The following PCSK6 variants were observed in gnomAD, a reference collection of about 807,000 sequenced individuals.
PCSK6 encodes paired basic amino acid cleaving enzyme 4.
A neutral mutation model predicts 123.3 loss-of-function variants in PCSK6; 85 were observed. The observed-to-expected ratio is 0.69, with a 90% CI of 0.58 to 0.83. The LOEUF is 0.83. Among genes scored for constraint, PCSK6 ranks in the 40% least tolerant of loss-of-function variants. The probability of loss-of-function intolerance (pLI) is 0.00; values close to 1 mark genes in which losing one functional copy is unlikely to be tolerated. For missense variants in PCSK6, 1,191 were observed against 1,282.3 expected (o/e 0.93, Z 1.09); for synonymous variants, 508 against 516.0 (o/e 0.98, Z 0.21).
intron 20 of PCSK6, among the ~76,000 whole-genome samples, chr15:101,309,947 C>T (rs2039815980): frequency 6.6e-6 from 1 of 152,238 alleles, no homozygotes; most frequent in Non-Finnish European, 1.5e-5. Context: ...CTTCCACCTG[C>T]AGTTGCCAAC....
rs1462684341 is a variant in PCSK6 at position 101,489,467 on chromosome 15, G to C, written c.204C>G (p.Pro68=). 2.7e-6 allele frequency: 3 copies of C among 1,109,986 alleles called. No individual in the cohort carries two copies. The highest frequency in any genetic ancestry group is 3.3e-6 in the Non-Finnish European group (3 of 909,688). The allele number at this position is 1,109,986 out of a possible 1,614,324, so 68.8% of individuals were successfully genotyped here. The stretch of plus-strand genomic sequence containing the variant: ...GCACCGCCCAGTGGTTGGTGTAGAC[G>C]GGGCGCGGCGGGGGCGCGGAGCAGG... ...PAACSAPPPR[P]VYTNHWAVQV... Residue 68 remains proline, a synonymous_variant, in exon 1 of 22, where the codon CCC becomes CCG. Coordinates refer to ENST00000611716, the MANE Select transcript of PCSK6 (RefSeq NM_002570.5).
chr15:101,446,862 A>ACCT (rs146181575), intron 1 of PCSK6, among the ~76,000 whole-genome samples: 2,958 of 152,058 alleles, frequency 0.019, 88 homozygotes, highest in African/African-American at 0.054. Flanking sequence ...TTTTCCATAA[A>ACCT]CCTTGTCAGA....
chr15:101,476,021 G>A (rs2057722716), intron 1 of PCSK6, among the ~76,000 whole-genome samples: 1 of 152,138 alleles, frequency 6.6e-6, no homozygotes, highest in Non-Finnish European at 1.5e-5. Flanking sequence ...GACTCAGCAG[G>A]TCCCCTCTCT....
At chr15:101,344,353 T>G (rs1352416880) in intron 13 of PCSK6, among the ~76,000 whole-genome samples, 1 of 152,236 alleles carries the variant, frequency 6.6e-6, no homozygotes, top group Non-Finnish European at 1.5e-5. Flanking sequence ...AGGTGGAACT[T>G]TTAGAACTGA....
At chr15:101,392,116 C>T (rs374651593) in intron 8 of PCSK6, among the ~76,000 whole-genome samples, 3 of 152,316 alleles carry the variant, frequency 2.0e-5, no homozygotes, top group East Asian at 1.9e-4. Flanking sequence ...TGCATCCATT[C>T]GGCCAGCAAG....
At chr15:101,402,113 C>T (rs1313291558) in intron 6 of PCSK6, among the ~76,000 whole-genome samples, 2 of 148,956 alleles carry the variant, frequency 1.3e-5, no homozygotes, top group Admixed American at 6.7e-5. Context: ...AGAAATAATG[C>T]CACATATCTA....
chr15:101,432,165 T>G (rs1403974063), intron 2 of PCSK6, 65 bp from the exon 3 acceptor site: 1 of 1,323,140 alleles, frequency 7.6e-7, no homozygotes, highest in Admixed American at 1.9e-5. Flanking sequence ...GTAGCCTCTT[T>G]GCAGGTGCTA....
chr15:101,381,061 T>C (rs2041898383), intron 11 of PCSK6, among the ~76,000 whole-genome samples: 1 of 152,126 alleles, frequency 6.6e-6, no homozygotes, highest in Non-Finnish European at 1.5e-5. Context: ...CTGCTTTTTT[T>C]TTTTTAAATA....
At chr15:101,400,926 T>C (rs1324516725) in intron 6 of PCSK6, among the ~76,000 whole-genome samples, 1 of 152,118 alleles carries the variant, frequency 6.6e-6, no homozygotes, top group African/African-American at 2.4e-5. Flanking sequence ...GTTTTCCCCT[T>C]AATATATGCC....
chr15:101,347,684 G>A (rs376128558), intron 13 of PCSK6: 22 of 1,603,924 alleles, frequency 1.4e-5, no homozygotes, highest in South Asian at 6.6e-5. Context: ...TAAATGTGGT[G>A]GCTTTGGTCA....
chr15:101,368,807 G>GTGTC (rs1340177096), intron 12 of PCSK6, among the ~76,000 whole-genome samples: 1 of 152,224 alleles, frequency 6.6e-6, no homozygotes, highest in East Asian at 1.9e-4. Flanking sequence ...CACGGGGCTG[G>GTGTC]TGTCAGACAG....
intron 1 of PCSK6, among the ~76,000 whole-genome samples, chr15:101,459,618 G>A (rs763260930): frequency 6.6e-5 from 8 of 121,896 alleles, no homozygotes; most frequent in Non-Finnish European, 1.2e-4. Context: ...ATTGTGCCAC[G>A]CCTCCCAGGT....
chr15:101,378,297 C>T lies in PCSK6; in HGVS notation c.1532+3795G>A, dbSNP rs970117017. On this transcript the variant is annotated intron_variant, in intron 11 of 21. Coordinates refer to ENST00000611716, the MANE Select transcript of PCSK6 (RefSeq NM_002570.5). ...TCTAAACAGATGGAAACCATTTGTG[C>T]CCAGGAGTAGGTCGACGTGCCTCTG... Among the ~76,000 whole-genome samples, 87 of 152,320 alleles carry T rather than the reference C, an allele frequency of 5.7e-4. 1 individual carries two copies. The highest frequency in any genetic ancestry group is 2.1e-3 in the African/African-American group (86 of 41,574).
intron 19 of PCSK6, 62 bp from the exon 20 acceptor site, chr15:101,313,567 C>A: frequency 6.5e-7 from 1 of 1,545,556 alleles, no homozygotes; most frequent in Non-Finnish European, 8.7e-7. Context: ...ATGCCCCAGG[C>A]CTGCTTCAGG....
intron 15 of PCSK6, among the ~76,000 whole-genome samples, chr15:101,330,636 T>C (rs1315217400): frequency 6.6e-6 from 1 of 152,214 alleles, no homozygotes; most frequent in African/African-American, 2.4e-5. Context: ...CTCCTTCCCA[T>C]GGAGACCCCC....
chr15:101,400,771 T>A (rs375857752), intron 6 of PCSK6, among the ~76,000 whole-genome samples: 2 of 152,210 alleles, frequency 1.3e-5, no homozygotes, highest in East Asian at 3.8e-4. Flanking sequence ...ACATGGATTA[T>A]AAACATATAA....
At chr15:101,372,142 C>A in intron 11 of PCSK6, among the ~76,000 whole-genome samples, 1 of 152,192 alleles carries the variant, frequency 6.6e-6, no homozygotes, top group Non-Finnish European at 1.5e-5. Flanking sequence ...GAACTCAGCC[C>A]CCGACCCACC....
rs948148107 is a variant in PCSK6 at position 101,403,135 on chromosome 15, A to G, written c.824-4559T>C. Among the ~76,000 whole-genome samples the G allele has an allele frequency of 1.1e-4, 16 of 152,084 alleles. No homozygotes were observed. In the South Asian group the frequency reaches 1.2e-3, roughly 12 times the overall value. On this transcript the variant is annotated intron_variant, in intron 6 of 21. Coordinates refer to ENST00000611716, the MANE Select transcript of PCSK6 (RefSeq NM_002570.5). Reference sequence around the variant, plus strand: ...TGTCCTTTGTAGGGACATGGATGAAACTGGAAATCATCATTCTCAGTAAAC... The same window carrying G: ...TGTCCTTTGTAGGGACATGGATGAAGCTGGAAATCATCATTCTCAGTAAAC...
intron 2 of PCSK6, among the ~76,000 whole-genome samples, chr15:101,438,118 G>A (rs941863909): frequency 1.3e-5 from 2 of 152,288 alleles, no homozygotes; most frequent in Non-Finnish European, 2.9e-5. Context: ...CTTCCTAAGT[G>A]TGAGACAATA....
Sources: allele counts gnomAD v4.1 joint callset (sites outside exome capture counted in the v4.1 genomes callset), GRCh38; gene constraint gnomAD v4.1.1; transcripts MANE v1.5; gene names NCBI Gene and HGNC (gene_info 2026-07-23, HGNC 2026-07-21).